TMEM178B: variants seen among roughly 807,000 people sequenced by gnomAD.
TMEM178B encodes the protein transmembrane protein 178B.
In TMEM178B, 5 loss-of-function variants were observed where a neutral mutation model predicts 31.0. That is an observed-to-expected ratio of 0.16 (90% confidence interval 0.08 to 0.34). The LOEUF is 0.34. Among genes scored for constraint, TMEM178B ranks in the 10% least tolerant of loss-of-function variants. The pLI, the probability that TMEM178B is intolerant of heterozygous loss-of-function variation, is 1.00. For synonymous variants in TMEM178B, 164 were observed against 164.0 expected, an observed-to-expected ratio of 1.00 and a Z score of 0.00; for missense variants, 275 against 400.3, an observed-to-expected ratio of 0.69 and a Z score of 2.67.
At chr7:141,333,159 C>G (rs1799325101) in intron 2 of TMEM178B, among the ~76,000 whole-genome samples, 2 of 152,210 alleles carry the variant, frequency 1.3e-5, no homozygotes, top group Non-Finnish European at 2.9e-5. Context: ...CTCTCAAATT[C>G]TATGGTGTTG....
chr7:141,289,054 A>G lies in TMEM178B; in HGVS notation c.496+76350A>G, dbSNP rs773849548. On this transcript the variant is annotated intron_variant, in intron 2 of 3. Transcript: ENST00000565468. ...TCTGACCCCCAGGATCTTCCTGCCTATGGACTATTCCCTGCTTGCATGTAT... is the reference window on the plus strand; with the variant it reads ...TCTGACCCCCAGGATCTTCCTGCCTGTGGACTATTCCCTGCTTGCATGTAT... Among the ~76,000 whole-genome samples, 91 of 152,266 alleles carry G rather than the reference A, an allele frequency of 6.0e-4. 1 individual carries two copies. The highest frequency in any genetic ancestry group is 4.1e-3 in the East Asian group (21 of 5,180).
chr7:141,373,682 G>A (rs575169585), intron 2 of TMEM178B, among the ~76,000 whole-genome samples: 4 of 152,276 alleles, frequency 2.6e-5, no homozygotes, highest in African/African-American at 4.8e-5. Context: ...GGCTGCTCCC[G>A]GGGAAGGGGC....
At chr7:141,094,835 T>A (rs1794932154) in intron 1 of TMEM178B, among the ~76,000 whole-genome samples, 1 of 152,234 alleles carries the variant, frequency 6.6e-6, no homozygotes, top group African/African-American at 2.4e-5. Flanking sequence ...ATTCTTGCCT[T>A]GTCATCCTAA....
chr7:141,209,485 A>G (rs1290968652), intron 1 of TMEM178B, among the ~76,000 whole-genome samples: 2 of 152,256 alleles, frequency 1.3e-5, no homozygotes, highest in Non-Finnish European at 2.9e-5. Flanking sequence ...TGCCCACTGC[A>G]GTCTTACAAA....
chr7:141,189,248 A>G (rs557187337), intron 1 of TMEM178B, among the ~76,000 whole-genome samples: 1 of 152,250 alleles, frequency 6.6e-6, no homozygotes, highest in Non-Finnish European at 1.5e-5. Context: ...GCAAAGCTCT[A>G]ATGGATTGGC....
intron 2 of TMEM178B, among the ~76,000 whole-genome samples, chr7:141,433,659 C>T (rs959906335): frequency 2.0e-5 from 3 of 152,198 alleles, no homozygotes; most frequent in African/African-American, 7.2e-5. Flanking sequence ...GCTCACTCTT[C>T]TTGTAGTACA....
At chr7:141,244,716 C>T (rs1024902004) in intron 2 of TMEM178B, among the ~76,000 whole-genome samples, 5 of 152,098 alleles carry the variant, frequency 3.3e-5, no homozygotes, top group South Asian at 4.2e-4. Context: ...AATACAGATT[C>T]GAGAGTCATG....
At chr7:141,406,558 C>G (rs908584755) in intron 2 of TMEM178B, among the ~76,000 whole-genome samples, 1 of 152,196 alleles carries the variant, frequency 6.6e-6, no homozygotes, top group Non-Finnish European at 1.5e-5. Flanking sequence ...TGTTGTTACA[C>G]AATTACTATG....
At chr7:141,201,506 C>T (rs2129186354) in intron 1 of TMEM178B, among the ~76,000 whole-genome samples, 1 of 152,298 alleles carries the variant, frequency 6.6e-6, no homozygotes, top group African/African-American at 2.4e-5. Context: ...ATTGAAGGCT[C>T]ACCATGGAGC....
chr7:141,507,820 C>A, the TMEM178B span, among the ~76,000 whole-genome samples: 1 of 152,200 alleles, frequency 6.6e-6, no homozygotes, highest in African/African-American at 2.4e-5. Context: ...CACAGGGCAC[C>A]AAGTCCCTAG....
At chr7:141,176,889 C>G (rs1311729603) in intron 1 of TMEM178B, among the ~76,000 whole-genome samples, 1 of 151,978 alleles carries the variant, frequency 6.6e-6, no homozygotes, top group Non-Finnish European at 1.5e-5. Context: ...TTGATCTTTT[C>G]AAAAAACCAG....
intron 3 of TMEM178B, among the ~76,000 whole-genome samples, chr7:141,452,131 A>G (rs77563960): frequency 0.025 from 3,831 of 152,304 alleles, 87 homozygotes; most frequent in Non-Finnish European, 0.037. Flanking sequence ...CTTGTCAACA[A>G]CACCCACCAT....
At chr7:141,142,702 C>T (rs551430807) in intron 1 of TMEM178B, among the ~76,000 whole-genome samples, 18 of 152,304 alleles carry the variant, frequency 1.2e-4, no homozygotes, top group South Asian at 8.3e-4. Flanking sequence ...CCACCACCCC[C>T]GGCCGAACAA....
chr7:141,210,767 G>A (rs983944579), intron 1 of TMEM178B, among the ~76,000 whole-genome samples: 10 of 151,988 alleles, frequency 6.6e-5, no homozygotes, highest in African/African-American at 2.4e-4. Flanking sequence ...ACAGAGCCTT[G>A]GCGAGTCCCT....
intron 1 of TMEM178B, among the ~76,000 whole-genome samples, chr7:141,134,567 A>G (rs1795644525): frequency 6.6e-6 from 1 of 152,190 alleles, no homozygotes; most frequent in South Asian, 2.1e-4. Context: ...AATGTTACCA[A>G]TACAAAAAAC....
intron 2 of TMEM178B, among the ~76,000 whole-genome samples, chr7:141,378,437 C>A (rs1448328871): frequency 3.9e-5 from 6 of 152,186 alleles, no homozygotes; most frequent in Non-Finnish European, 8.8e-5. Context: ...AACCCTCCCC[C>A]ACTGCCCCCA....
intron 2 of TMEM178B, among the ~76,000 whole-genome samples, chr7:141,288,131 A>G (rs1410917868): frequency 6.6e-6 from 1 of 151,088 alleles, no homozygotes; most frequent in African/African-American, 2.4e-5. Context: ...TGTCCCTGTC[A>G]CTTCAATGCT....
In TMEM178B at chr7:141,473,210, T is replaced by C. The variant is rs1431934856; in HGVS notation, c.*2424T>C. Reference sequence around the variant, plus strand: ...GATTTCTCCCTTAAGGGGAAGGGCATACTTGGGCTTAAGGAAAAGTGAAGA... The same window carrying C: ...GATTTCTCCCTTAAGGGGAAGGGCACACTTGGGCTTAAGGAAAAGTGAAGA... On this transcript the variant is annotated 3_prime_UTR_variant, in exon 4 of 4. Coordinates refer to ENST00000565468, the MANE Select transcript of TMEM178B (RefSeq NM_001195278.2). The C allele has an allele frequency of 1.3e-5, 2 of 152,246 alleles. No homozygotes were observed. Among genetic ancestry groups the C allele is most frequent in the Admixed American group, 6.5e-5 (1 of 15,294 alleles). 9.4% of individuals were successfully genotyped at this position (152,246 alleles called of 1,614,324 possible). A position where few individuals can be genotyped will look rare whatever the true frequency, so the allele number is the denominator to read the frequency against.
chr7:141,469,037 A>G (rs778997352), intron 3 of TMEM178B, among the ~76,000 whole-genome samples: 4 of 152,196 alleles, frequency 2.6e-5, no homozygotes, highest in Non-Finnish European at 4.4e-5. Context: ...TGACAAAGAA[A>G]AGGGAAGATG....
Sources: gnomAD v4.1 joint callset for allele counts (sites outside exome capture counted in the v4.1 genomes callset) on GRCh38, gnomAD v4.1.1 for gene constraint, MANE v1.5 for transcripts, NCBI Gene and HGNC (gene_info 2026-07-23, HGNC 2026-07-21) for gene names.